DSCAML1: variants seen among roughly 807,000 people sequenced by gnomAD.
DSCAML1 encodes DS cell adhesion molecule like 1.
Under a neutral mutation model 200.5 loss-of-function variants are expected in DSCAML1, and 38 were observed. That is an observed-to-expected ratio of 0.19 (90% CI 0.15 to 0.25). DSCAML1 has a LOEUF of 0.25. DSCAML1 is among the 10% of genes least tolerant of loss of function. The pLI, the probability that DSCAML1 is intolerant of heterozygous loss-of-function variation, is 1.00. For missense variants in DSCAML1, 2,223 were observed against 2,858.8 expected, an observed-to-expected ratio of 0.78 and a Z score of 5.07; for synonymous variants, 1,215 against 1,165.0, an observed-to-expected ratio of 1.04 and a Z score of -0.87.
chr11:117,557,681 G>A (rs1029429250), intron 3 of DSCAML1, among the ~76,000 whole-genome samples: 3 of 152,224 alleles, frequency 2.0e-5, no homozygotes, highest in Non-Finnish European at 4.4e-5. Context: ...GCTTAGTCCA[G>A]TGTGGGCTAT....
chr11:117,749,670 C>A (rs1018807709), intron 3 of DSCAML1, among the ~76,000 whole-genome samples: 14 of 152,262 alleles, frequency 9.2e-5, no homozygotes, highest in African/African-American at 3.4e-4. Flanking sequence ...TGAACCCAGC[C>A]TGGCAGGCAA....
In DSCAML1 at chr11:117,525,025, G is replaced by C; in HGVS notation, c.717C>G (p.Ala239=). 1 of 1,601,126 alleles carries C rather than the reference G, an allele frequency of 6.2e-7. No homozygotes were observed. Residue 239 remains alanine, a synonymous_variant, in exon 5 of 33, where the codon GCC becomes GCG. Transcript: ENST00000651296. ...LDGFHSQEVW[A]GHTVELPCTA... is the part of the protein sequence containing the mutation. ...TGCAGGGCAGCTCCACGGTGTGGCC[G>C]GCCCACACTTCCTGGGAGTGGAAGC...
rs777443352 is a variant in DSCAML1, at chr11:117,516,787, G to A, written c.1511-48C>T. 6.4e-7 allele frequency: 1 copy of A among 1,573,716 alleles called. No individual in the cohort carries two copies. Among genetic ancestry groups the A allele is most frequent in the Non-Finnish European group, 8.6e-7 (1 of 1,159,582 alleles). The stretch of plus-strand genomic sequence containing the variant: ...GAGGAGGAGGAGAAGGGCATGTGCT[G>A]CTGTCAGCCAGGGACAGCCAGGCAC... On this transcript the variant is annotated intron_variant, in intron 7 of 32. Transcript: ENST00000651296. This position sits in a 1 kb window ranked among gnomAD's most constrained non-coding sequence, Gnocchi z 5.7.
chr11:117,430,915 G>A lies in DSCAML1; in HGVS notation c.5493C>T (p.Ile1831=). ...EEQLQHAKFE[I]TECFISDSSS... ...AACTGTCAGAGATGAAGCACTCGGT[G>A]ATCTCAAACTTGGCGTGCTGCAGCT... The change falls in exon 32 of 33, where the codon ATC becomes ATT. Residue 1831 remains isoleucine (I), a synonymous_variant. Coordinates refer to ENST00000651296, the MANE Select transcript of DSCAML1 (RefSeq NM_020693.4). The A allele has an allele frequency of 6.2e-7, 1 of 1,614,178 alleles. No individual in the cohort carries two copies. The highest frequency in any genetic ancestry group is 1.1e-5 in the South Asian group (1 of 91,084).
intron 3 of DSCAML1, among the ~76,000 whole-genome samples, chr11:117,559,579 TTGTC>T (rs2050623825): frequency 1.3e-5 from 2 of 152,256 alleles, no homozygotes; most frequent in South Asian, 2.1e-4. Context: ...ATCAGGGAGT[TTGTC>T]TGATTCTTGT....
chr11:117,439,136 C>T (rs2047985872), intron 23 of DSCAML1, 130 bp downstream of exon 23: 1 of 1,405,178 alleles, frequency 7.1e-7, no homozygotes, highest in East Asian at 2.4e-5. Flanking sequence ...ATGTGCACCT[C>T]TGTTTCTCCA....
intron 3 of DSCAML1, among the ~76,000 whole-genome samples, chr11:117,567,992 G>A (rs1389392076): frequency 1.3e-3 from 193 of 152,044 alleles, no homozygotes; most frequent in African/African-American, 4.2e-3. Flanking sequence ...CTGGCAAACC[G>A]AATCCAGCAG....
intron 3 of DSCAML1, among the ~76,000 whole-genome samples, chr11:117,698,091 G>A (rs2053614772): frequency 6.6e-6 from 1 of 152,122 alleles, no homozygotes; most frequent in Non-Finnish European, 1.5e-5. Flanking sequence ...CTTTTTAGAG[G>A]CTGAATCATA....
rs71037491 is a variant in DSCAML1, at chr11:117,672,102, G to GAAA, written c.511+104686_511+104688dup. ...GGCGACAGAGCGAGACTCCAGCTCAGAAAAAAAAAAAAAAAAAAAAAGAAG... is the reference window on the plus strand; with the variant it reads ...GGCGACAGAGCGAGACTCCAGCTCAGAAAAAAAAAAAAAAAAAAAAAAAAGAAG... On this transcript the variant is annotated intron_variant, in intron 3 of 32. Transcript: ENST00000651296. Among the ~76,000 whole-genome samples the GAAA allele has an allele frequency of 5.3e-4, 50 of 94,430 alleles. 1 individual carries two copies. The highest frequency in any genetic ancestry group is 1.6e-3 in the African/African-American group (32 of 20,544). The allele number at this position is 94,430 out of a possible 152,430, so 61.9% of individuals were successfully genotyped here. A position where few individuals can be genotyped will look rare whatever the true frequency, so the allele number is the denominator to read the frequency against.
At chr11:117,449,567 A>G (rs1323787209) in intron 20 of DSCAML1, among the ~76,000 whole-genome samples, 1 of 152,130 alleles carries the variant, frequency 6.6e-6, no homozygotes, top group Admixed American at 6.5e-5. Context: ...TGCAGATCTC[A>G]GGCTGATGCC....
intron 3 of DSCAML1, among the ~76,000 whole-genome samples, chr11:117,748,310 A>G (rs2054550108): frequency 6.6e-6 from 1 of 152,186 alleles, no homozygotes; most frequent in African/African-American, 2.4e-5. Context: ...GACCATTAGA[A>G]ACGTCACACT....
At chr11:117,470,415 A>G (rs1176966486) in intron 15 of DSCAML1, among the ~76,000 whole-genome samples, 2 of 152,164 alleles carry the variant, frequency 1.3e-5, no homozygotes, top group Non-Finnish European at 2.9e-5. Context: ...CTCTACTAAA[A>G]ATACAAAAAA....
intron 3 of DSCAML1, among the ~76,000 whole-genome samples, chr11:117,767,873 G>A (rs1364335928): frequency 6.6e-6 from 1 of 152,066 alleles, no homozygotes; most frequent in Non-Finnish European, 1.5e-5. Flanking sequence ...TCCCTCCGAG[G>A]GTTCCAAGCA....
intron 3 of DSCAML1, among the ~76,000 whole-genome samples, chr11:117,726,306 C>G (rs2054130527): frequency 6.6e-6 from 1 of 150,736 alleles, no homozygotes; most frequent in African/African-American, 2.5e-5. Context: ...TGACTGGATG[C>G]TTTAGGAAGT....
chr11:117,441,522 G>T (rs1402014121), intron 21 of DSCAML1, among the ~76,000 whole-genome samples: 2 of 141,178 alleles, frequency 1.4e-5, no homozygotes, highest in Non-Finnish European at 3.0e-5. Flanking sequence ...ATCACAGAAG[G>T]TGCGGGGCCA....
Position 117,516,774 on chromosome 11 carries a change from A to T in DSCAML1, c.1511-35T>A. ...AGTCAGAAGAGAGGAGGAGGAGGAGAAGGGCATGTGCTGCTGTCAGCCAGG... is the reference window on the plus strand; with the variant it reads ...AGTCAGAAGAGAGGAGGAGGAGGAGTAGGGCATGTGCTGCTGTCAGCCAGG... On this transcript the variant is annotated intron_variant, in intron 7 of 32. Coordinates refer to ENST00000651296, the MANE Select transcript of DSCAML1 (RefSeq NM_020693.4). This position sits in a 1 kb window ranked among gnomAD's most constrained non-coding sequence, Gnocchi z 5.7. 2 of 1,587,810 alleles carry T rather than the reference A, an allele frequency of 1.3e-6. No individual in the cohort carries two copies. Among genetic ancestry groups the T allele is most frequent in the Non-Finnish European group, 1.7e-6 (2 of 1,166,320 alleles).
intron 21 of DSCAML1, among the ~76,000 whole-genome samples, chr11:117,440,294 G>A (rs1356829919): frequency 6.6e-6 from 1 of 152,220 alleles, no homozygotes; most frequent in Non-Finnish European, 1.5e-5. Flanking sequence ...GGAAGCCTAG[G>A]GGTGCGAGGC....
intron 3 of DSCAML1, among the ~76,000 whole-genome samples, chr11:117,633,644 T>G (rs191338197): frequency 3.7e-4 from 56 of 152,352 alleles, no homozygotes; most frequent in Admixed American, 2.2e-3. Context: ...GGGAGAAGAA[T>G]GTTTTCTCAA....
At chr11:117,762,447 T>C (rs1385898652) in intron 3 of DSCAML1, among the ~76,000 whole-genome samples, 3 of 152,198 alleles carry the variant, frequency 2.0e-5, no homozygotes, top group Non-Finnish European at 2.9e-5. Flanking sequence ...AGTTTTTTTT[T>C]CCTTTCCTGA....
Sources: gnomAD v4.1 joint callset for allele counts (sites outside exome capture counted in the v4.1 genomes callset) on GRCh38, gnomAD v4.1.1 for gene constraint, Gnocchi (gnomAD v3.1) non-coding constraint, MANE v1.5 for transcripts, NCBI Gene and HGNC (gene_info 2026-07-23, HGNC 2026-07-21) for gene names.